DLG2: variants seen among roughly 807,000 people sequenced by gnomAD.
DLG2 encodes the protein disks large homolog 2.
DLG2 carries 45 observed loss-of-function variants against 132.5 expected under a neutral mutation model. That is an observed-to-expected ratio of 0.34 (90% confidence interval 0.27 to 0.44). The LOEUF is 0.44. Among genes scored for constraint, DLG2 ranks in the 20% least tolerant of loss-of-function variants. The pLI, the probability that DLG2 is intolerant of heterozygous loss-of-function variation, is 1.00. For missense variants in DLG2, 1,045 were observed against 1,196.9 expected, an observed-to-expected ratio of 0.87 and a Z score of 1.87; for synonymous variants, 424 against 419.6, an observed-to-expected ratio of 1.01 and a Z score of -0.13.
At chr11:85,289,361 C>G (rs954064611) in intron 3 of DLG2, among the ~76,000 whole-genome samples, 4 of 152,162 alleles carry the variant, frequency 2.6e-5, no homozygotes, top group African/African-American at 7.2e-5. Context: ...AGGCCCAGAT[C>G]CCCCTTCCCA....
chr11:85,364,082 C>A (rs1249928364), intron 3 of DLG2, among the ~76,000 whole-genome samples: 1 of 152,140 alleles, frequency 6.6e-6, no homozygotes, highest in East Asian at 1.9e-4. Context: ...TGGGTTATAA[C>A]AAGGTTCTTT....
At chr11:83,780,893 C>G (rs982177929) in intron 18 of DLG2, among the ~76,000 whole-genome samples, 7 of 152,090 alleles carry the variant, frequency 4.6e-5, no homozygotes, top group African/African-American at 1.7e-4. Context: ...GGAGTCCAAC[C>G]CAACAGTGAC....
At chr11:84,456,636 C>T (rs541978667) in intron 7 of DLG2, among the ~76,000 whole-genome samples, 1 of 151,522 alleles carries the variant, frequency 6.6e-6, no homozygotes, top group South Asian at 2.1e-4. Flanking sequence ...CATATGGTCA[C>T]TCCTTCAAGT....
At chr11:84,449,434 A>C (rs966682624) in intron 7 of DLG2, among the ~76,000 whole-genome samples, 38 of 151,746 alleles carry the variant, frequency 2.5e-4, no homozygotes, top group African/African-American at 9.2e-4. Context: ...CAGCTTAAAA[A>C]ATATACAAAG....
At chr11:85,449,783 A>C (rs1597424159) in intron 3 of DLG2, among the ~76,000 whole-genome samples, 1 of 90,328 alleles carries the variant, frequency 1.1e-5, no homozygotes. Flanking sequence ...AATTGGAACT[A>C]CCTAAAGTTT....
At chr11:84,207,494 A>G (rs10792734) in intron 8 of DLG2, among the ~76,000 whole-genome samples, 109,486 of 151,966 alleles carry the variant, frequency 0.72, 41,512 homozygotes, top group Middle Eastern at 0.86. Context: ...CCATAAATAT[A>G]TAGTAAAATA....
chr11:84,106,831 G>GTGTGTC (rs1295785958), intron 9 of DLG2, among the ~76,000 whole-genome samples: 4 of 142,446 alleles, frequency 2.8e-5, no homozygotes, highest in Non-Finnish European at 4.6e-5. Flanking sequence ...GTGTGTGTGT[G>GTGTGTC]TGTGTGTGTG....
At chr11:83,848,769 C>T (rs1266645740) in intron 16 of DLG2, among the ~76,000 whole-genome samples, 1 of 152,188 alleles carries the variant, frequency 6.6e-6, no homozygotes, top group Admixed American at 6.5e-5. Flanking sequence ...TGGCACTATA[C>T]CTATCAATTA....
chr11:85,178,257 G>A (rs564446781), intron 4 of DLG2, among the ~76,000 whole-genome samples: 2 of 152,026 alleles, frequency 1.3e-5, no homozygotes, highest in East Asian at 1.9e-4. Context: ...AGTATTCAGG[G>A]AAAAAAGGCA....
chr11:84,163,328 T>C lies in DLG2; in HGVS notation c.624+133A>G, dbSNP rs970939322. 1.6e-5 allele frequency: 11 copies of C among 707,080 alleles called. No homozygotes were observed. In the Admixed American group the frequency reaches 3.9e-4, roughly 25 times the overall value. The allele number at this position is 707,080 out of a possible 1,614,324, so 43.8% of individuals were successfully genotyped here. On this transcript the variant is annotated intron_variant, in intron 9 of 27. Coordinates refer to ENST00000376104, the MANE Select transcript of DLG2 (RefSeq NM_001142699.3). ...TACTGTGAGCATTTCATTAATATTC[T>C]CATTGTGAGTCCTGTGGGAAACTTC...
chr11:83,769,329 TTGAC>T (rs916035258), intron 18 of DLG2, among the ~76,000 whole-genome samples: 50 of 152,298 alleles, frequency 3.3e-4, no homozygotes, highest in African/African-American at 1.2e-3. Flanking sequence ...TATTGATCAA[TTGAC>T]TGAATCATTC....
intron 7 of DLG2, among the ~76,000 whole-genome samples, chr11:84,417,172 G>A (rs986803036): frequency 3.3e-5 from 5 of 152,126 alleles, no homozygotes; most frequent in African/African-American, 1.2e-4. Context: ...GATATGCTGT[G>A]GTTTAGCGGA....
chr11:84,564,758 C>G (rs10898264), intron 6 of DLG2, among the ~76,000 whole-genome samples: 51,125 of 151,922 alleles, frequency 0.34, 9,196 homozygotes, highest in South Asian at 0.48. Context: ...GTGATTTTCT[C>G]AAAAAGATGT....
At chr11:83,690,996 G>T (rs527896369) in intron 18 of DLG2, among the ~76,000 whole-genome samples, 8 of 152,236 alleles carry the variant, frequency 5.3e-5, no homozygotes, top group African/African-American at 1.4e-4. Flanking sequence ...AATATAAAAT[G>T]CTTAGTATCT....
chr11:85,552,977 G>A (rs561730879), intron 3 of DLG2, among the ~76,000 whole-genome samples: 9 of 151,608 alleles, frequency 5.9e-5, no homozygotes, highest in Admixed American at 2.0e-4. Context: ...AGAAACTTCA[G>A]ATAATTAAAG....
intron 5 of DLG2, among the ~76,000 whole-genome samples, chr11:85,116,574 T>C (rs1476933712): frequency 6.6e-6 from 1 of 151,984 alleles, no homozygotes; most frequent in Middle Eastern, 3.2e-3. Flanking sequence ...TTTCATTGAA[T>C]TAGTTTTCTA....
intron 7 of DLG2, among the ~76,000 whole-genome samples, chr11:84,407,690 T>C (rs2098863330): frequency 1.3e-5 from 2 of 152,190 alleles, no homozygotes; most frequent in African/African-American, 4.8e-5. Context: ...TTTGGATACA[T>C]GGGATATTTA....
At chr11:83,671,092 T>A (rs1185673414) in intron 18 of DLG2, among the ~76,000 whole-genome samples, 1 of 152,206 alleles carries the variant, frequency 6.6e-6, no homozygotes, top group African/African-American at 2.4e-5. Flanking sequence ...AGGAAAATGT[T>A]TTCCTTTATA....
intron 3 of DLG2, among the ~76,000 whole-genome samples, chr11:85,532,677 T>G (rs962009905): frequency 2.6e-5 from 4 of 152,198 alleles, no homozygotes; most frequent in African/African-American, 9.7e-5. Context: ...TAACTTAATC[T>G]GTTAATAGCT....
Sources: gnomAD v4.1 joint callset for allele counts (sites outside exome capture counted in the v4.1 genomes callset) on GRCh38, gnomAD v4.1.1 for gene constraint, MANE v1.5 for transcripts, NCBI Gene and HGNC (gene_info 2026-07-23, HGNC 2026-07-21) for gene names.